The following TENM4 variants were observed in gnomAD, a reference collection of about 807,000 sequenced individuals.
TENM4 encodes the protein teneurin-4.
TENM4 carries 82 observed loss-of-function variants against 243.3 expected under a neutral mutation model. The observed-to-expected ratio is 0.34, with a 90% CI of 0.28 to 0.40. The LOEUF (loss-of-function observed/expected upper bound fraction) is 0.40, where lower values mean the gene tolerates loss of function less well. Among genes scored for constraint, TENM4 ranks in the 10% least tolerant of loss-of-function variants. The probability of loss-of-function intolerance (pLI) is 1.00; values close to 1 mark genes in which losing one functional copy is unlikely to be tolerated. For synonymous variants in TENM4, 1,412 were observed against 1,456.3 expected (o/e 0.97, Z 0.69); for missense variants, 3,138 against 3,673.3 (o/e 0.85, Z 3.77).
At chr11:78,835,998 C>T (rs770257609) in intron 12 of TENM4, among the ~76,000 whole-genome samples, 9 of 152,328 alleles carry the variant, frequency 5.9e-5, no homozygotes, top group East Asian at 1.9e-4. Context: ...ATGAATGAAA[C>T]GAGAGAAGTG....
In TENM4 at chr11:78,658,190, C is replaced by T; in HGVS notation, c.8178G>A (p.Gln2726=). The change falls in exon 34 of 34, where the codon CAG becomes CAA. Residue 2726 remains glutamine (Q), a synonymous_variant. Coordinates refer to ENST00000278550, the MANE Select transcript of TENM4 (RefSeq NM_001098816.3). ...GLRAWTEGEK[Q]QVLSTGRVQG... ...GCACCCGCCCTGTGCTCAGCACCTG[C>T]TGCTTCTCCCCCTCTGTCCAGGCCC... 1 of 1,614,070 alleles carries T rather than the reference C, an allele frequency of 6.2e-7. No homozygotes were observed. Among genetic ancestry groups the T allele is most frequent in the Non-Finnish European group, 8.5e-7 (1 of 1,179,908 alleles).
intron 9 of TENM4, among the ~76,000 whole-genome samples, chr11:78,864,433 CAAAAAAAAAA>C (rs145489804): frequency 1.1e-4 from 4 of 36,206 alleles, no homozygotes; most frequent in Non-Finnish European, 1.3e-4. Context: ...GACTCCGTCT[CAAAAAAAAAA>C]AAAAAAAAAA....
chr11:79,139,787 A>T (rs1220043899), intron 4 of TENM4, among the ~76,000 whole-genome samples: 2 of 92,384 alleles, frequency 2.2e-5, no homozygotes, highest in East Asian at 3.0e-4. Flanking sequence ...AATATATATT[A>T]TATTTATATA....
At chr11:78,965,487 G>C (rs1857419788) in intron 6 of TENM4, among the ~76,000 whole-genome samples, 1 of 152,220 alleles carries the variant, frequency 6.6e-6, no homozygotes, top group African/African-American at 2.4e-5. Context: ...TCCATGCTGA[G>C]TTGTTAGAAT....
rs75895188 is a variant in TENM4, at chr11:79,340,073, G to A, written c.-320-42530C>T. On this transcript the variant is annotated intron_variant, in intron 1 of 33. Transcript: ENST00000278550. ...TAGAAATTGCTGAAATACCGAGGCC[G>A]CAATGGAAGATAAAGTGTCCTACAA... Among the ~76,000 whole-genome samples, 17 of 152,294 alleles carry A rather than the reference G, an allele frequency of 1.1e-4. No homozygotes were observed. In the East Asian group the frequency reaches 2.7e-3, roughly 24 times the overall value.
At chr11:78,984,638 G>A (rs1412116648) in intron 6 of TENM4, among the ~76,000 whole-genome samples, 1 of 152,048 alleles carries the variant, frequency 6.6e-6, no homozygotes, top group Non-Finnish European at 1.5e-5. Context: ...TTGCCATAAT[G>A]TTCTTCCTTC....
chr11:79,299,043 T>C (rs535814307), intron 1 of TENM4, among the ~76,000 whole-genome samples: 30 of 150,744 alleles, frequency 2.0e-4, no homozygotes, highest in Admixed American at 9.3e-4. Context: ...TAGGAAGTCA[T>C]AGGTGTGAGG....
intron 9 of TENM4, among the ~76,000 whole-genome samples, chr11:78,873,143 C>T (rs1565416983): frequency 6.6e-6 from 1 of 152,188 alleles, no homozygotes; most frequent in Non-Finnish European, 1.5e-5. Context: ...CCCTTGGGGA[C>T]CATATCATAT....
intron 6 of TENM4, among the ~76,000 whole-genome samples, chr11:78,923,799 G>A (rs1482485689): frequency 2.9e-5 from 4 of 136,720 alleles, no homozygotes; most frequent in Admixed American, 8.0e-5. Flanking sequence ...CTCAGCCTCC[G>A]AAAGTGCTAG....
intron 19 of TENM4, among the ~76,000 whole-genome samples, chr11:78,742,849 T>G (rs1326310082): frequency 2.6e-4 from 39 of 152,116 alleles, no homozygotes; most frequent in Admixed American, 2.6e-3. Context: ...CAACCTCAAC[T>G]GTTGCTCAGG....
intron 6 of TENM4, among the ~76,000 whole-genome samples, chr11:79,022,458 A>T (rs1227225127): frequency 6.6e-6 from 1 of 152,126 alleles, no homozygotes; most frequent in Non-Finnish European, 1.5e-5. Context: ...GATTAAAGGC[A>T]AACAAGATAA....
chr11:78,798,347 G>A (rs1037358750), intron 15 of TENM4, among the ~76,000 whole-genome samples: 3 of 152,248 alleles, frequency 2.0e-5, no homozygotes, highest in Admixed American at 1.3e-4. Flanking sequence ...CCATCTAGTC[G>A]TTATTGTTAT....
At chr11:79,073,260 T>C (rs972152514) in intron 4 of TENM4, among the ~76,000 whole-genome samples, 2 of 152,230 alleles carry the variant, frequency 1.3e-5, no homozygotes, top group Non-Finnish European at 2.9e-5. Flanking sequence ...TGAAGGCTCT[T>C]GTCAGTCTGG....
chr11:79,059,398 G>A (rs1315560172), intron 6 of TENM4, among the ~76,000 whole-genome samples: 1 of 152,116 alleles, frequency 6.6e-6, no homozygotes, highest in African/African-American at 2.4e-5. Context: ...ATGAAGGAAT[G>A]AGCCTCTGCA....
At chr11:79,250,932 A>G (rs1040803775) in intron 2 of TENM4, among the ~76,000 whole-genome samples, 21 of 152,250 alleles carry the variant, frequency 1.4e-4, no homozygotes, top group Admixed American at 3.3e-4. Context: ...TCAAGAAGCT[A>G]TAAGTGTTGA....
chr11:78,855,855 T>C (rs1858668453), intron 11 of TENM4, 109 bp downstream of exon 11: 4 of 1,059,584 alleles, frequency 3.8e-6, no homozygotes, highest in African/African-American at 1.6e-5. Flanking sequence ...CTATAAAATA[T>C]ATAAATGTCC....
chr11:78,688,374 A>G, intron 28 of TENM4, 148 bp from the exon 29 acceptor site: 1 of 851,356 alleles, frequency 1.2e-6, no homozygotes, highest in South Asian at 1.8e-5. Context: ...TATCTTGCAC[A>G]GGACCTGGTA....
At chr11:78,866,734 T>C (rs948448040) in intron 9 of TENM4, among the ~76,000 whole-genome samples, 1 of 152,180 alleles carries the variant, frequency 6.6e-6, no homozygotes, top group African/African-American at 2.4e-5. Context: ...CTGAAAACTA[T>C]CTGGGAAAGC....
intron 4 of TENM4, among the ~76,000 whole-genome samples, chr11:79,089,276 G>A (rs1860889568): frequency 6.6e-6 from 1 of 152,196 alleles, no homozygotes; most frequent in African/African-American, 2.4e-5. Flanking sequence ...AGGCTAGATG[G>A]CTGGAAACTG....
Sources: gnomAD v4.1 joint callset for allele counts (sites outside exome capture counted in the v4.1 genomes callset) on GRCh38, gnomAD v4.1.1 for gene constraint, MANE v1.5 for transcripts, NCBI Gene and HGNC (gene_info 2026-07-23, HGNC 2026-07-21) for gene names.